Variants in KCNH1 observed in about 807,000 individuals in gnomAD.
The protein encoded by KCNH1 is potassium voltage-gated channel subfamily H member 1.
KCNH1 carries 27 observed loss-of-function variants against 69.2 expected under a neutral mutation model. The observed-to-expected ratio is 0.39, with a 90% CI of 0.29 to 0.54. The LOEUF is 0.54. KCNH1 is among the 20% of genes least tolerant of loss of function. The pLI is 0.68. For synonymous variants in KCNH1, 456 were observed against 487.7 expected (o/e 0.93, Z 0.86); for missense variants, 798 against 1,261.6 (o/e 0.63, Z 5.57).
intron 5 of KCNH1, among the ~76,000 whole-genome samples, chr1:211,044,339 C>T (rs1410698619): frequency 2.6e-5 from 4 of 152,100 alleles, no homozygotes; most frequent in South Asian, 4.1e-4. Context: ...ACCCCTTTAA[C>T]CCCTGGCTTA....
intron 7 of KCNH1, among the ~76,000 whole-genome samples, chr1:210,834,766 C>T (rs1306275921): frequency 5.9e-5 from 9 of 151,406 alleles, no homozygotes; most frequent in African/African-American, 2.2e-4. Context: ...GGTGATTAGG[C>T]CATGAGTGCA....
At chr1:210,955,309 G>A (rs1479960909) in intron 6 of KCNH1, among the ~76,000 whole-genome samples, 1 of 152,196 alleles carries the variant, frequency 6.6e-6, no homozygotes, top group Non-Finnish European at 1.5e-5. Context: ...CTGTAGCCTT[G>A]TAGTGTAGTT....
intron 10 of KCNH1, among the ~76,000 whole-genome samples, chr1:210,723,375 G>C (rs1682517406): frequency 6.6e-6 from 1 of 152,070 alleles, no homozygotes; most frequent in Non-Finnish European, 1.5e-5. Context: ...AATTGTGGCA[G>C]CCATGTCCCC....
rs535870704 is a variant in KCNH1, at chr1:210,908,095, C to T, written c.1462+11545G>A. ...GATGGTAGAGACATGGTTCTTAGCA[C>T]AACGGAGGAAATGAGTGCAAGGTTC... On this transcript the variant is annotated intron_variant, in intron 7 of 10. Coordinates refer to ENST00000271751, the MANE Select transcript of KCNH1 (RefSeq NM_172362.3). Among the ~76,000 whole-genome samples the T allele has an allele frequency of 2.0e-5, 3 of 152,278 alleles. No homozygotes were observed. The South Asian group carries it at 6.2e-4, about 32-fold the overall frequency.
chr1:210,954,310 G>T (rs1221007428), intron 6 of KCNH1, among the ~76,000 whole-genome samples: 1 of 152,154 alleles, frequency 6.6e-6, no homozygotes, highest in Admixed American at 6.5e-5. Flanking sequence ...ATCATTGATG[G>T]ACATTTGGGT....
At chr1:210,940,638 T>C (rs1343585264) in intron 6 of KCNH1, among the ~76,000 whole-genome samples, 2 of 152,232 alleles carry the variant, frequency 1.3e-5, no homozygotes, top group Non-Finnish European at 2.9e-5. Flanking sequence ...ATTCAAACCA[T>C]GAAATAAACT....
chr1:210,991,370 C>T (rs1688932611), intron 6 of KCNH1, among the ~76,000 whole-genome samples: 1 of 152,078 alleles, frequency 6.6e-6, no homozygotes, highest in Non-Finnish European at 1.5e-5. Context: ...AAGACAAATA[C>T]TGCATGATCT....
chr1:210,936,679 T>C (rs1254192201), intron 6 of KCNH1, among the ~76,000 whole-genome samples: 2 of 152,208 alleles, frequency 1.3e-5, no homozygotes, highest in Non-Finnish European at 2.9e-5. Context: ...AGCCCCTGAA[T>C]CTTTTATCCT....
intron 7 of KCNH1, among the ~76,000 whole-genome samples, chr1:210,904,171 G>A (rs910631890): frequency 6.6e-6 from 1 of 152,216 alleles, no homozygotes; most frequent in Admixed American, 6.5e-5. Context: ...ATTAAGTTAT[G>A]AGTGTGAGAA....
intron 7 of KCNH1, among the ~76,000 whole-genome samples, chr1:210,821,452 C>A (rs148229651): frequency 3.1e-4 from 47 of 152,136 alleles, no homozygotes; most frequent in Non-Finnish European, 5.7e-4. Flanking sequence ...AACAGGTCAG[C>A]GTATGGTGTC....
At chr1:210,768,414 C>T (rs995282114) in intron 10 of KCNH1, among the ~76,000 whole-genome samples, 2 of 152,176 alleles carry the variant, frequency 1.3e-5, no homozygotes, top group Admixed American at 1.3e-4. Context: ...CAGTCTAGTA[C>T]CTCCATATGA....
chr1:210,780,785 C>T (rs1220704161), intron 9 of KCNH1, among the ~76,000 whole-genome samples: 3 of 152,120 alleles, frequency 2.0e-5, no homozygotes, highest in African/African-American at 7.2e-5. Flanking sequence ...CGGTGGCTCA[C>T]GCCTGTAATC....
At chr1:210,894,626 T>G (rs988318392) in intron 7 of KCNH1, among the ~76,000 whole-genome samples, 1 of 152,156 alleles carries the variant, frequency 6.6e-6, no homozygotes, top group Non-Finnish European at 1.5e-5. Context: ...GAAAACGTAA[T>G]CCCTCTGCCC....
At chr1:211,003,966 G>T (rs1017784120) in intron 6 of KCNH1, among the ~76,000 whole-genome samples, 3 of 151,964 alleles carry the variant, frequency 2.0e-5, no homozygotes, top group African/African-American at 7.2e-5. Flanking sequence ...GGTGGTGGGC[G>T]CCTGTAGTCC....
chr1:211,021,575 TACACAC>T (rs34414913), intron 5 of KCNH1, among the ~76,000 whole-genome samples: 5 of 149,576 alleles, frequency 3.3e-5, no homozygotes, highest in African/African-American at 9.8e-5. Context: ...AAACATAGAC[TACACAC>T]ACACACACAC....
chr1:211,039,788 G>A (rs1689957593), intron 5 of KCNH1, among the ~76,000 whole-genome samples: 1 of 152,216 alleles, frequency 6.6e-6, no homozygotes, highest in Non-Finnish European at 1.5e-5. Flanking sequence ...ACTGTGTCTA[G>A]GAAGTAACTA....
chr1:210,951,113 G>A (rs1278700247), intron 6 of KCNH1, among the ~76,000 whole-genome samples: 2 of 152,214 alleles, frequency 1.3e-5, no homozygotes, highest in Admixed American at 1.3e-4. Flanking sequence ...TAAATGTGCA[G>A]TGAGAATCTC....
chr1:210,808,936 G>A (rs1475661965), intron 7 of KCNH1, among the ~76,000 whole-genome samples: 2 of 152,018 alleles, frequency 1.3e-5, no homozygotes, highest in African/African-American at 2.4e-5. Flanking sequence ...AGTGCAGAAG[G>A]TGTTATGGAT....
chr1:210,760,549 C>T (rs1401850325), intron 10 of KCNH1, among the ~76,000 whole-genome samples: 3 of 152,196 alleles, frequency 2.0e-5, no homozygotes, highest in Admixed American at 6.5e-5. Context: ...GAGTCCTAAA[C>T]ATGGAAACAA....
Sources: allele counts gnomAD v4.1 joint callset (sites outside exome capture counted in the v4.1 genomes callset), GRCh38; gene constraint gnomAD v4.1.1; transcripts MANE v1.5; gene names NCBI Gene and HGNC (gene_info 2026-07-23, HGNC 2026-07-21).